Variants in TMEM266 observed in about 807,000 individuals in gnomAD.
TMEM266 encodes the protein transmembrane protein 266.
TMEM266 carries 33 observed loss-of-function variants against 50.5 expected under a neutral mutation model. The observed-to-expected ratio is 0.65, with a 90% confidence interval of 0.50 to 0.87. The LOEUF (loss-of-function observed/expected upper bound fraction) is 0.87, where lower values mean the gene tolerates loss of function less well. TMEM266 is among the 40% of genes least tolerant of loss of function. The pLI is 0.00. For synonymous variants in TMEM266, 310 were observed against 292.3 expected (o/e 1.06, Z -0.62); for missense variants, 655 against 695.1 (o/e 0.94, Z 0.65).
At chr15:76,188,901 G>C (rs1447813501) in intron 8 of TMEM266, among the ~76,000 whole-genome samples, 3 of 152,216 alleles carry the variant, frequency 2.0e-5, no homozygotes, top group Non-Finnish European at 4.4e-5. Flanking sequence ...TCTTGGACAA[G>C]TACAGTGGCT....
chr15:76,147,307 G>A (rs565843825), intron 3 of TMEM266, among the ~76,000 whole-genome samples: 8 of 152,314 alleles, frequency 5.3e-5, no homozygotes, highest in Admixed American at 2.6e-4. Flanking sequence ...AGGTTTTAAC[G>A]TCCTGGTAGA....
intron 1 of TMEM266, among the ~76,000 whole-genome samples, chr15:76,068,104 T>C (rs1036227017): frequency 7.9e-5 from 12 of 152,062 alleles, no homozygotes; most frequent in Admixed American, 3.3e-4. Flanking sequence ...CCACCTCCAA[T>C]TGACAGTCAT....
intron 1 of TMEM266, among the ~76,000 whole-genome samples, chr15:76,133,440 AAAAT>A (rs1176382959): frequency 1.3e-5 from 2 of 152,178 alleles, no homozygotes; most frequent in African/African-American, 2.4e-5. Flanking sequence ...CCATCTAAAA[AAAAT>A]AAATAAATAA....
At chr15:76,081,568 C>T (rs1258553283) in intron 1 of TMEM266, among the ~76,000 whole-genome samples, 6 of 152,286 alleles carry the variant, frequency 3.9e-5, no homozygotes, top group South Asian at 2.1e-4. Context: ...CCTGGCTCCT[C>T]GCGGTTGAGT....
At chr15:76,123,541 T>G (rs1234191597) in intron 1 of TMEM266, among the ~76,000 whole-genome samples, 2 of 152,222 alleles carry the variant, frequency 1.3e-5, no homozygotes, top group Non-Finnish European at 2.9e-5. Context: ...CAGTCTTGTT[T>G]AGGGACCCAG....
At chr15:76,142,489 T>C (rs1348267151) in intron 3 of TMEM266, among the ~76,000 whole-genome samples, 2 of 152,248 alleles carry the variant, frequency 1.3e-5, no homozygotes, top group African/African-American at 2.4e-5. Flanking sequence ...TTTTTGACTT[T>C]CCGAGGAACT....
intron 10 of TMEM266, among the ~76,000 whole-genome samples, chr15:76,202,747 C>T (rs869452): frequency 0.51 from 78,117 of 151,902 alleles, 20,471 homozygotes; most frequent in South Asian, 0.63. Flanking sequence ...TTTAAAATAA[C>T]GCTGAGGCCT....
intron 1 of TMEM266, among the ~76,000 whole-genome samples, chr15:76,114,742 G>A (rs945281911): frequency 1.3e-5 from 2 of 151,832 alleles, no homozygotes; most frequent in Admixed American, 6.6e-5. Context: ...GACATTTAGC[G>A]CATCCACAGT....
In TMEM266 at chr15:76,161,530, T is replaced by C. The variant is rs925766213; in HGVS notation, c.456+1362T>C. Among the ~76,000 whole-genome samples, 14 of 152,102 alleles carry C rather than the reference T, an allele frequency of 9.2e-5. No individual in the cohort carries two copies. The highest frequency in any genetic ancestry group is 3.4e-4 in the African/African-American group (14 of 41,402). ...GCTTTGGGTCTTGAGTCCAGAATCC[T>C]GAGTCCGGGTGTGGGGTGTGGTGGG... On this transcript the variant is annotated intron_variant, in intron 5 of 10. Coordinates refer to ENST00000388942, the MANE Select transcript of TMEM266 (RefSeq NM_152335.3). The surrounding 1 kb of genome is among the most constrained non-coding windows in gnomAD (Gnocchi z 4.1).
At chr15:76,171,196 G>T (rs2038183099) in intron 7 of TMEM266, 65 bp downstream of exon 7, 1 of 1,584,646 alleles carries the variant, frequency 6.3e-7, no homozygotes, top group Admixed American at 1.7e-5. Context: ...TCAACTGAGA[G>T]GAGATGCCGT....
chr15:76,080,229 T>C (rs890200721), intron 1 of TMEM266, among the ~76,000 whole-genome samples: 4 of 111,866 alleles, frequency 3.6e-5, no homozygotes, highest in African/African-American at 1.4e-4. Context: ...TAGCCAGGCA[T>C]GGTGGCAGGT....
intron 1 of TMEM266, among the ~76,000 whole-genome samples, chr15:76,062,873 C>G (rs1012518322): frequency 6.6e-5 from 10 of 152,016 alleles, no homozygotes; most frequent in Non-Finnish European, 8.8e-5. Flanking sequence ...ATTCCCTTCA[C>G]GAGAGTTTTT....
rs2038790393 is a variant in TMEM266, at chr15:76,203,852, G to A, written c.1133G>A (p.Gly378Asp). The change falls in exon 11 of 11, where the codon GGC becomes GAC. Residue 378 changes from glycine to aspartate, a missense_variant. Physicochemically the swap from Gly to Asp is moderately conservative, Grantham distance 94. This residue lies in a region of TMEM266 where 455 missense variants were observed against 401.8 expected (regional missense o/e 1.13). Coordinates refer to ENST00000388942, the MANE Select transcript of TMEM266 (RefSeq NM_152335.3). ...TCTCTGGACATGCCCCTCAAACTCG[G>A]CGGTAATGGCACCAGCGCCACCTCG... The A allele has an allele frequency of 1.2e-6, 2 of 1,614,060 alleles. No individual in the cohort carries two copies. Among genetic ancestry groups the A allele is most frequent in the East Asian group, 2.2e-5 (1 of 44,892 alleles).
At chr15:76,120,738 G>A (rs2037328620) in intron 1 of TMEM266, among the ~76,000 whole-genome samples, 1 of 137,758 alleles carries the variant, frequency 7.3e-6, no homozygotes. Flanking sequence ...TCCAGCCTGG[G>A]TTACAGAGCA....
rs560606029 is a variant in TMEM266, at chr15:76,118,456, G to A, written c.-96-15712G>A. On this transcript the variant is annotated intron_variant, in intron 1 of 10. Coordinates refer to ENST00000388942, the MANE Select transcript of TMEM266 (RefSeq NM_152335.3). ...CACCTGTAGTCCCAGCAACTCGGGA[G>A]GCTAAGGCAGAAGAATCACTTGAAC... is the stretch of plus-strand genomic sequence containing the variant. 2.0e-5 allele frequency among the ~76,000 whole-genome samples: 3 copies of A among 152,330 alleles called. No homozygotes were observed. In the South Asian group the frequency reaches 6.2e-4, roughly 32 times the overall value.
intron 1 of TMEM266, among the ~76,000 whole-genome samples, chr15:76,076,549 G>C (rs1429378760): frequency 1.3e-5 from 2 of 151,966 alleles, no homozygotes; most frequent in Non-Finnish European, 2.9e-5. Context: ...TCTTATTTGA[G>C]AAAGAAAATC....
chr15:76,150,203 C>T (rs2037817178), intron 3 of TMEM266, among the ~76,000 whole-genome samples: 1 of 152,158 alleles, frequency 6.6e-6, no homozygotes, highest in Admixed American at 6.5e-5. Flanking sequence ...AAGGGCATAG[C>T]TTGTATCCAC....
intron 1 of TMEM266, among the ~76,000 whole-genome samples, chr15:76,092,773 T>C (rs1373241442): frequency 1.3e-5 from 2 of 151,646 alleles, no homozygotes; most frequent in African/African-American, 4.8e-5. Flanking sequence ...TTATGGGTTA[T>C]TGAATTCATG....
intron 3 of TMEM266, among the ~76,000 whole-genome samples, chr15:76,138,876 A>T (rs1289445308): frequency 6.6e-6 from 1 of 152,194 alleles, no homozygotes; most frequent in African/African-American, 2.4e-5. Flanking sequence ...GGCAAGAGCT[A>T]GGTGGGGCAG....
Sources: allele counts gnomAD v4.1 joint callset (sites outside exome capture counted in the v4.1 genomes callset), GRCh38; gene constraint gnomAD v4.1.1; regional missense constraint gnomAD v4.1.1; non-coding constraint Gnocchi (gnomAD v3.1); transcripts MANE v1.5; gene names NCBI Gene and HGNC (gene_info 2026-07-23, HGNC 2026-07-21).